Variants in LRRC28 observed in about 807,000 individuals in gnomAD.
LRRC28 encodes the protein leucine-rich repeat-containing protein 28.
In LRRC28, 39 loss-of-function variants were observed where a neutral mutation model predicts 45.7. That is an observed-to-expected ratio of 0.85 (90% confidence interval 0.66 to 1.12). The LOEUF is 1.12. Among genes scored for constraint, LRRC28 ranks in the 50% most tolerant of loss-of-function variants. The pLI is 0.00. For synonymous variants in LRRC28, 206 were observed against 178.8 expected, an observed-to-expected ratio of 1.15 and a Z score of -1.22; for missense variants, 435 against 438.5, an observed-to-expected ratio of 0.99 and a Z score of 0.07.
intron 5 of LRRC28, among the ~76,000 whole-genome samples, chr15:99,318,095 A>G (rs1413092731): frequency 6.6e-6 from 1 of 152,188 alleles, no homozygotes. Context: ...GCATCATACA[A>G]TTTTCTATAG....
chr15:99,285,936 T>C (rs2081946996), intron 3 of LRRC28, among the ~76,000 whole-genome samples: 1 of 152,198 alleles, frequency 6.6e-6, no homozygotes, highest in South Asian at 2.1e-4. Context: ...CTTATTTAAA[T>C]TGTGTTATAC....
chr15:99,365,453 C>T (rs1470894451), intron 9 of LRRC28, among the ~76,000 whole-genome samples: 1 of 152,314 alleles, frequency 6.6e-6, no homozygotes, highest in South Asian at 2.1e-4. Flanking sequence ...TCATTCAGCC[C>T]ACCAGGCTGT....
In LRRC28 at chr15:99,361,399, C is replaced by G. The variant is rs771361185; in HGVS notation, c.759C>G (p.Thr253=). ...KLLSFSSGQR[T]VFLPAEVKAI... ...TTTCCTTTTCATCAGGGCAGCGAAC[C>G]GTTTTCCTCCCAGCTGAGGTGAAGG... Residue 253 remains threonine (T), a synonymous_variant, in exon 8 of 10, where the codon ACC becomes ACG. Transcript: ENST00000301981. The G allele has an allele frequency of 1.9e-6, 3 of 1,613,762 alleles. No individual in the cohort carries two copies. In the African/African-American group the frequency reaches 4.0e-5, roughly 22 times the overall value.
At chr15:99,294,678 G>A (rs2082217391) in intron 5 of LRRC28, among the ~76,000 whole-genome samples, 1 of 152,138 alleles carries the variant, frequency 6.6e-6, no homozygotes. Context: ...TTTTGTAAGG[G>A]CACTAATTCC....
chr15:99,337,135 T>C (rs1411681270), intron 6 of LRRC28, among the ~76,000 whole-genome samples: 4 of 152,224 alleles, frequency 2.6e-5, no homozygotes, highest in Non-Finnish European at 4.4e-5. Context: ...TCACTATAGC[T>C]CCTTAGCCCT....
chr15:99,360,967 C>CTT, intron 7 of LRRC28: 1 of 157,140 alleles, frequency 6.4e-6, no homozygotes, highest in Non-Finnish European at 1.4e-5. Context: ...ACAAAGTACT[C>CTT]TTTTTTTTTC....
At chr15:99,258,503 A>G in intron 2 of LRRC28, 3 of 755,768 alleles carry the variant, frequency 4.0e-6, no homozygotes, top group Non-Finnish European at 4.8e-6. Context: ...CCATGAAGGA[A>G]GAAGCAGCAG....
chr15:99,333,461 G>A (rs1194894101), intron 5 of LRRC28, among the ~76,000 whole-genome samples: 1 of 152,184 alleles, frequency 6.6e-6, no homozygotes, highest in Non-Finnish European at 1.5e-5. Context: ...CCAGAAATCT[G>A]TTTAGCTCAT....
At chr15:99,302,288 A>G (rs1955007974) in intron 5 of LRRC28, among the ~76,000 whole-genome samples, 2 of 152,086 alleles carry the variant, frequency 1.3e-5, no homozygotes, top group Admixed American at 1.3e-4. Context: ...CGGCCTCCCA[A>G]AGTGCTGGGA....
chr15:99,368,804 A>G (rs891890274), intron 9 of LRRC28, among the ~76,000 whole-genome samples: 7 of 152,250 alleles, frequency 4.6e-5, no homozygotes, highest in Admixed American at 4.6e-4. Context: ...ATGTTTTACA[A>G]TATGAATAGG....
intron 7 of LRRC28, among the ~76,000 whole-genome samples, chr15:99,354,330 A>G (rs745819795): frequency 1.3e-5 from 2 of 152,204 alleles, no homozygotes; most frequent in Admixed American, 6.5e-5. Flanking sequence ...GATGATAACT[A>G]CTGAAGCTTT....
intron 6 of LRRC28, among the ~76,000 whole-genome samples, chr15:99,347,772 G>T (rs76191276): frequency 0.026 from 3,896 of 152,250 alleles, 175 homozygotes; most frequent in African/African-American, 0.089. Context: ...CGATGACTGT[G>T]TATCTCCTTT....
intron 6 of LRRC28, among the ~76,000 whole-genome samples, chr15:99,335,650 ATAC>A (rs2152296329): frequency 6.6e-6 from 1 of 152,262 alleles, no homozygotes; most frequent in African/African-American, 2.4e-5. Flanking sequence ...CCTGGGCAAC[ATAC>A]CAATACCCTG....
Position 99,389,022 on chromosome 15 carries a change from T to C in LRRC28, c.*2920T>C, listed in dbSNP as rs999846661. 13 of 152,246 alleles carry C rather than the reference T, an allele frequency of 8.5e-5. No individual in the cohort carries two copies. Among genetic ancestry groups the C allele is most frequent in the African/African-American group, 2.7e-4 (11 of 41,456 alleles). 9.4% of individuals were successfully genotyped at this position (152,246 alleles called of 1,614,324 possible). A position where few individuals can be genotyped will look rare whatever the true frequency, so the allele number is the denominator to read the frequency against. Reference sequence around the variant, plus strand: ...CTGCATCTTCAGTTAATACATGTTTTGAGCACATTCTTAAAATACATAATA... The same window carrying C: ...CTGCATCTTCAGTTAATACATGTTTCGAGCACATTCTTAAAATACATAATA... On this transcript the variant is annotated 3_prime_UTR_variant, in exon 10 of 10. Coordinates refer to ENST00000301981, the MANE Select transcript of LRRC28 (RefSeq NM_144598.5).
chr15:99,352,653 T>A, intron 7 of LRRC28, 182 bp downstream of exon 7: 1 of 529,446 alleles, frequency 1.9e-6, no homozygotes, highest in Non-Finnish European at 3.3e-6. Flanking sequence ...TTTTCTAGTC[T>A]AAAGAAAAAT....
chr15:99,285,651 T>C (rs528247377), intron 3 of LRRC28: 169 of 634,934 alleles, frequency 2.7e-4, no homozygotes, highest in Non-Finnish European at 8.9e-5. Context: ...TACTATTTCA[T>C]ACAGCATCTT....
At chr15:99,331,678 A>T (rs993913504) in intron 5 of LRRC28, among the ~76,000 whole-genome samples, 2 of 151,680 alleles carry the variant, frequency 1.3e-5, no homozygotes, top group Non-Finnish European at 2.9e-5. Flanking sequence ...TCCTGTCTCC[A>T]CCAAGCTCTC....
In LRRC28 at chr15:99,388,003, C is replaced by A. The variant is rs1251871151; in HGVS notation, c.*1901C>A. On this transcript the variant is annotated 3_prime_UTR_variant, in exon 10 of 10. Coordinates refer to ENST00000301981, the MANE Select transcript of LRRC28 (RefSeq NM_144598.5). ...CACTGTATCTGCACTGTTCTTACTT[C>A]CTCTTGTCCCTTTTCATATCTTGGT... is the stretch of plus-strand genomic sequence containing the variant. 6.6e-6 allele frequency: 1 copy of A among 152,224 alleles called. No homozygotes were observed. The highest frequency in any genetic ancestry group is 2.4e-5 in the African/African-American group (1 of 41,456). The allele number at this position is 152,224 out of a possible 1,614,324, so 9.4% of individuals were successfully genotyped here. A position where few individuals can be genotyped will look rare whatever the true frequency, so the allele number is the denominator to read the frequency against.
chr15:99,271,933 T>G (rs568945546), intron 2 of LRRC28, among the ~76,000 whole-genome samples: 1 of 152,328 alleles, frequency 6.6e-6, no homozygotes, highest in Non-Finnish European at 1.5e-5. Flanking sequence ...CTCATGCTTT[T>G]GATGTAATAG....
Sources: allele counts gnomAD v4.1 joint callset (sites outside exome capture counted in the v4.1 genomes callset), GRCh38; gene constraint gnomAD v4.1.1; transcripts MANE v1.5; gene names NCBI Gene and HGNC (gene_info 2026-07-23, HGNC 2026-07-21).